The following NKAIN2 variants were observed in gnomAD, a reference collection of about 807,000 sequenced individuals.
NKAIN2 encodes the protein sodium/potassium transporting ATPase interacting 2.
In NKAIN2, 14 loss-of-function variants were observed where a neutral mutation model predicts 32.6. That is an observed-to-expected ratio of 0.43 (90% CI 0.28 to 0.67). The LOEUF (loss-of-function observed/expected upper bound fraction) is 0.67, where lower values mean the gene tolerates loss of function less well. Ranked by LOEUF, NKAIN2 falls within the 30% of genes least tolerant of loss-of-function variation. NKAIN2 has a pLI of 0.17. For missense variants in NKAIN2, 198 were observed against 258.3 expected (o/e 0.77, Z 1.60); for synonymous variants, 80 against 87.2 (o/e 0.92, Z 0.46).
chr6:124,797,189 A>C (rs1227637307), intron 5 of NKAIN2, among the ~76,000 whole-genome samples: 2 of 151,516 alleles, frequency 1.3e-5, no homozygotes, highest in Non-Finnish European at 2.9e-5. Context: ...AAAAAAAAAA[A>C]AAATCATCAT....
At chr6:124,564,173 C>G (rs946432659) in intron 3 of NKAIN2, among the ~76,000 whole-genome samples, 2 of 152,154 alleles carry the variant, frequency 1.3e-5, no homozygotes, top group Admixed American at 6.5e-5. Context: ...TTCTGTCTAG[C>G]TAGAGGATTG....
At chr6:124,784,751 TAGGAGTGC>T (rs1230782505) in intron 4 of NKAIN2, among the ~76,000 whole-genome samples, 1 of 152,048 alleles carries the variant, frequency 6.6e-6, no homozygotes, top group Non-Finnish European at 1.5e-5. Context: ...CACTCCTGTG[TAGGAGTGC>T]AATTGCTGGA....
chr6:124,339,123 A>G (rs1331279554), intron 2 of NKAIN2, among the ~76,000 whole-genome samples: 1 of 152,202 alleles, frequency 6.6e-6, no homozygotes, highest in Non-Finnish European at 1.5e-5. Flanking sequence ...CGGGCGGATC[A>G]CGACATCAAG....
chr6:124,509,150 G>T (rs182916708), intron 3 of NKAIN2, among the ~76,000 whole-genome samples: 2 of 152,134 alleles, frequency 1.3e-5, no homozygotes, highest in Non-Finnish European at 2.9e-5. Context: ...AATTCCAATC[G>T]CTGCCTTCCC....
Position 124,485,820 on chromosome 6 carries a change from A to C in NKAIN2, c.273+130473A>C, listed in dbSNP as rs78580666. ...AGGACTGTAATTTCAGGTTGATCCC[A>C]AAGTTTCCCTTCCATGGTCTGGTGT... On this transcript the variant is annotated intron_variant, in intron 3 of 6. Transcript: ENST00000368417. 9.7e-3 allele frequency among the ~76,000 whole-genome samples: 1,483 copies of C among 152,290 alleles called. 16 individuals are homozygous for C. Among genetic ancestry groups the C allele is most frequent in the Non-Finnish European group, 0.016 (1,068 of 68,024 alleles).
rs572902062 is a variant in NKAIN2 at position 124,014,173 on chromosome 6, A to T, written c.54+209919A>T. Among the ~76,000 whole-genome samples, 7 of 152,318 alleles carry T rather than the reference A, an allele frequency of 4.6e-5. No individual in the cohort carries two copies. The South Asian group carries it at 1.4e-3, about 32-fold the overall frequency. ...ATTGTTTCTTGTCAATGAGTAATAG[A>T]AAGCTTTTCAATGAATATTTATTGT... On this transcript the variant is annotated intron_variant, in intron 1 of 6. Transcript: ENST00000368417.
intron 3 of NKAIN2, among the ~76,000 whole-genome samples, chr6:124,616,388 CTTTTG>C (rs1333009367): frequency 3.4e-4 from 46 of 135,896 alleles, no homozygotes; most frequent in African/African-American, 1.2e-3. Flanking sequence ...TTTTATACTA[CTTTTG>C]TTTTGTTCTT....
At chr6:124,127,795 C>T (rs906570726) in intron 1 of NKAIN2, among the ~76,000 whole-genome samples, 2 of 151,896 alleles carry the variant, frequency 1.3e-5, no homozygotes, top group African/African-American at 4.8e-5. Context: ...AGACAGAAGG[C>T]CCCATCAGGA....
chr6:124,766,778 A>G (rs967481016), intron 4 of NKAIN2, among the ~76,000 whole-genome samples: 3 of 152,220 alleles, frequency 2.0e-5, no homozygotes, highest in African/African-American at 7.2e-5. Flanking sequence ...AAAGAATTAT[A>G]ACAGAATGAA....
At chr6:123,856,826 C>G (rs1048449569) in intron 1 of NKAIN2, among the ~76,000 whole-genome samples, 9 of 152,126 alleles carry the variant, frequency 5.9e-5, no homozygotes, top group African/African-American at 2.2e-4. Context: ...TTGAGAATTG[C>G]TTGTGTCTTT....
At chr6:124,301,114 C>T (rs955800130) in intron 2 of NKAIN2, among the ~76,000 whole-genome samples, 1 of 152,080 alleles carries the variant, frequency 6.6e-6, no homozygotes, top group African/African-American at 2.4e-5. Flanking sequence ...GTCCAGGGCC[C>T]CTCTCCTGTG....
chr6:123,863,053 T>G (rs1025145078), intron 1 of NKAIN2, among the ~76,000 whole-genome samples: 2 of 152,164 alleles, frequency 1.3e-5, no homozygotes. Context: ...GGTGTAAAGA[T>G]CACAATATTC....
chr6:124,196,229 A>G lies in NKAIN2; in HGVS notation c.55-86776A>G, dbSNP rs143165540. Among the ~76,000 whole-genome samples the G allele has an allele frequency of 1.7e-4, 26 of 152,220 alleles. No individual in the cohort carries two copies. In the East Asian group the frequency reaches 4.4e-3, roughly 26 times the overall value. ...AAAGTAAATACTTATCCGGGTAACTATAACTCAAAACACAATACCTGATTG... is the reference window on the plus strand; with the variant it reads ...AAAGTAAATACTTATCCGGGTAACTGTAACTCAAAACACAATACCTGATTG... On this transcript the variant is annotated intron_variant, in intron 1 of 6. Coordinates refer to ENST00000368417, the MANE Select transcript of NKAIN2 (RefSeq NM_001040214.3).
chr6:124,270,351 G>A (rs1018277909), intron 1 of NKAIN2, among the ~76,000 whole-genome samples: 2 of 152,070 alleles, frequency 1.3e-5, no homozygotes, highest in Middle Eastern at 3.4e-3. Context: ...ACAGAAAGCT[G>A]TCTATACATT....
At chr6:124,499,547 A>C (rs1272865606) in intron 3 of NKAIN2, among the ~76,000 whole-genome samples, 2 of 152,218 alleles carry the variant, frequency 1.3e-5, no homozygotes, top group African/African-American at 4.8e-5. Flanking sequence ...GCTCACACCT[A>C]TTAGAGCCAA....
intron 1 of NKAIN2, among the ~76,000 whole-genome samples, chr6:124,117,621 G>A (rs1021093274): frequency 4.6e-5 from 7 of 151,974 alleles, no homozygotes; most frequent in Non-Finnish European, 1.0e-4. Context: ...CCTGCACGTT[G>A]TGCACATGTA....
intron 1 of NKAIN2, among the ~76,000 whole-genome samples, chr6:124,176,440 T>C (rs1789161835): frequency 6.6e-6 from 1 of 152,174 alleles, no homozygotes; most frequent in Non-Finnish European, 1.5e-5. Context: ...ATAAAAGAGA[T>C]TGTTTTATTT....
intron 3 of NKAIN2, among the ~76,000 whole-genome samples, chr6:124,369,088 G>A (rs1799641288): frequency 6.6e-6 from 1 of 152,050 alleles, no homozygotes; most frequent in African/African-American, 2.4e-5. Context: ...TAAAAGCACA[G>A]ATAATAACAT....
intron 4 of NKAIN2, among the ~76,000 whole-genome samples, chr6:124,690,540 C>T (rs1195705660): frequency 6.6e-6 from 1 of 152,094 alleles, no homozygotes; most frequent in Non-Finnish European, 1.5e-5. Context: ...AGTTTCTCAC[C>T]ATTAAATATG....
Sources: allele counts gnomAD v4.1 joint callset (sites outside exome capture counted in the v4.1 genomes callset), GRCh38; gene constraint gnomAD v4.1.1; transcripts MANE v1.5; gene names NCBI Gene and HGNC (gene_info 2026-07-23, HGNC 2026-07-21).